The following ADAM18 variants were observed in gnomAD, a reference collection of about 807,000 sequenced individuals.
The protein encoded by ADAM18 is disintegrin and metalloproteinase domain-containing protein 18.
A neutral mutation model predicts 94.4 loss-of-function variants in ADAM18; 117 were observed. The ratio of observed to expected loss-of-function variants is 1.24; its 90% CI spans 1.07 to 1.45. The LOEUF (loss-of-function observed/expected upper bound fraction) is 1.45, where lower values mean the gene tolerates loss of function less well. ADAM18 is among the 40% of genes most tolerant of loss of function. The pLI, the probability that ADAM18 is intolerant of heterozygous loss-of-function variation, is 0.00. For missense variants in ADAM18, 936 were observed against 880.0 expected, an observed-to-expected ratio of 1.06 and a Z score of -0.81; for synonymous variants, 327 against 291.6, an observed-to-expected ratio of 1.12 and a Z score of -1.24.
intron 7 of ADAM18, 148 bp downstream of exon 7, chr8:39,629,587 T>G: frequency 1.9e-6 from 1 of 535,710 alleles, no homozygotes; most frequent in Admixed American, 4.2e-5. Context: ...CCCTCTCCTC[T>G]CTTTTCCTCC....
intron 2 of ADAM18, among the ~76,000 whole-genome samples, chr8:39,588,253 C>T (rs1471435398): frequency 6.7e-6 from 1 of 150,082 alleles, no homozygotes; most frequent in Non-Finnish European, 1.5e-5. Flanking sequence ...TTTAACAAAA[C>T]CCATTATAAT....
At chr8:39,593,015 A>G (rs1818622273) in intron 2 of ADAM18, among the ~76,000 whole-genome samples, 1 of 152,132 alleles carries the variant, frequency 6.6e-6, no homozygotes, top group African/African-American at 2.4e-5. Context: ...CAGCTTCTGT[A>G]TTGGGACTTG....
At chr8:39,671,839 T>C (rs1187555405) in intron 14 of ADAM18, among the ~76,000 whole-genome samples, 1 of 152,156 alleles carries the variant, frequency 6.6e-6, no homozygotes, top group Non-Finnish European at 1.5e-5. Context: ...AAGGAAACTA[T>C]ACTCCAAAAA....
At chr8:39,702,527 CT>C (rs1458084385) in intron 17 of ADAM18, among the ~76,000 whole-genome samples, 2 of 152,064 alleles carry the variant, frequency 1.3e-5, no homozygotes, top group African/African-American at 4.8e-5. Context: ...GTTTCAATTG[CT>C]TTTGGCATCT....
intron 14 of ADAM18, among the ~76,000 whole-genome samples, chr8:39,676,609 GCAA>G: frequency 6.6e-6 from 1 of 151,494 alleles, no homozygotes; most frequent in Admixed American, 6.6e-5. Flanking sequence ...TTGGGCAGGG[GCAA>G]CGCCCCGCCC....
At chr8:39,708,216 T>A (rs1366117919) in intron 18 of ADAM18, among the ~76,000 whole-genome samples, 2 of 152,212 alleles carry the variant, frequency 1.3e-5, no homozygotes, top group African/African-American at 4.8e-5. Context: ...CAACCAAAAC[T>A]GTAGATAAGG....
Position 39,723,756 on chromosome 8 carries a change from T to A in ADAM18, c.2026T>A (p.Tyr676Asn). The change falls in exon 19 of 20, where the codon TAT (tyrosine) becomes AAT (asparagine). Residue 676 changes from tyrosine (Y) to asparagine (N), a missense_variant. By Grantham distance (143) the Tyr-to-Asn change is moderately radical. Transcript: ENST00000265707. ...DGNFQKSGDF[Y>N]TEKGYNTHWN... ...ATATGATTCATTTCTAGGTGACTTT[T>A]ATACTGAAAAAGGCTACAATACACA... The A allele has an allele frequency of 6.6e-7, 1 of 1,511,918 alleles. No individual in the cohort carries two copies. The highest frequency in any genetic ancestry group is 1.4e-5 in the South Asian group (1 of 70,076). The allele number at this position is 1,511,918 out of a possible 1,614,324, so 93.7% of individuals were successfully genotyped here.
At chr8:39,690,502 A>G (rs1475417154) in intron 16 of ADAM18, among the ~76,000 whole-genome samples, 1 of 152,196 alleles carries the variant, frequency 6.6e-6, no homozygotes, top group African/African-American at 2.4e-5. Context: ...TTCATATGGC[A>G]TATACAATTT....
At position 39,655,825 on chromosome 8, in the gene ADAM18, T is replaced by TAAAA. The variant is rs1241105984; in HGVS notation, c.1230+7298_1230+7299insAAAA. Among the ~76,000 whole-genome samples, 808 of 152,138 alleles carry TAAAA rather than the reference T, an allele frequency of 5.3e-3. 6 individuals carry two copies. The highest frequency in any genetic ancestry group is 0.019 in the African/African-American group (791 of 41,556). ...ATAGTCAATTCATAAAAATCAAATA[T>TAAAA]TTCTTTATAAATGACTAGAAGAAAA... On this transcript the variant is annotated intron_variant, in intron 12 of 19. Transcript: ENST00000265707.
At chr8:39,586,623 A>G (rs1818400414) in intron 2 of ADAM18, among the ~76,000 whole-genome samples, 1 of 152,112 alleles carries the variant, frequency 6.6e-6, no homozygotes, top group Non-Finnish European at 1.5e-5. Flanking sequence ...GCTGTTCTGG[A>G]GGCTGAGGTG....
chr8:39,627,042 A>G (rs368920693), intron 6 of ADAM18, among the ~76,000 whole-genome samples: 6 of 151,982 alleles, frequency 3.9e-5, no homozygotes, highest in Non-Finnish European at 8.8e-5. Flanking sequence ...TTTTCATAGG[A>G]CTAGTAGTCA....
At chr8:39,686,841 T>A (rs555070718) in intron 16 of ADAM18, among the ~76,000 whole-genome samples, 157 of 152,350 alleles carry the variant, frequency 1.0e-3, no homozygotes, top group African/African-American at 3.6e-3. Flanking sequence ...TTATTGCACA[T>A]CACTTGCAGT....
chr8:39,643,213 CA>C (rs1820281429), intron 10 of ADAM18, among the ~76,000 whole-genome samples: 1 of 152,100 alleles, frequency 6.6e-6, no homozygotes, highest in Non-Finnish European at 1.5e-5. Flanking sequence ...GAGATAGTAT[CA>C]TGTTATCTGC....
intron 13 of ADAM18, among the ~76,000 whole-genome samples, chr8:39,665,872 G>T (rs1218435390): frequency 6.6e-6 from 1 of 151,864 alleles, no homozygotes; most frequent in Non-Finnish European, 1.5e-5. Context: ...ATCTTTTAGA[G>T]TAAATAAAAG....
intron 16 of ADAM18, among the ~76,000 whole-genome samples, chr8:39,683,243 C>G (rs922792724): frequency 4.6e-5 from 7 of 152,324 alleles, no homozygotes; most frequent in Non-Finnish European, 8.8e-5. Flanking sequence ...AATACAACAG[C>G]CTTCTGACAA....
At chr8:39,661,318 AATTTTTTTTTTT>A (rs1820831092) in intron 12 of ADAM18, among the ~76,000 whole-genome samples, 2 of 90,260 alleles carry the variant, frequency 2.2e-5, no homozygotes, top group Admixed American at 1.3e-4. Flanking sequence ...ACACCCGGCA[AATTTTTTTTTTT>A]TTTTTTTTTT....
intron 13 of ADAM18, among the ~76,000 whole-genome samples, chr8:39,665,707 A>G (rs1261916772): frequency 2.0e-5 from 3 of 152,236 alleles, no homozygotes; most frequent in Non-Finnish European, 2.9e-5. Flanking sequence ...ATTATTGATT[A>G]TAAATTACTG....
intron 6 of ADAM18, among the ~76,000 whole-genome samples, chr8:39,626,690 A>G (rs1819779600): frequency 6.6e-6 from 1 of 151,932 alleles, no homozygotes; most frequent in Non-Finnish European, 1.5e-5. Context: ...AGATTGTTTA[A>G]AATTCTTGTA....
chr8:39,723,722 T>G, intron 18 of ADAM18, 26 bp from the exon 19 acceptor site: 1 of 1,416,636 alleles, frequency 7.1e-7, no homozygotes, highest in Non-Finnish European at 9.3e-7. Context: ...GAGTCCCCAC[T>G]AATTTATCAT....
Sources: gnomAD v4.1 joint callset for allele counts (sites outside exome capture counted in the v4.1 genomes callset) on GRCh38, gnomAD v4.1.1 for gene constraint, MANE v1.5 for transcripts, NCBI Gene and HGNC (gene_info 2026-07-23, HGNC 2026-07-21) for gene names.